The following RORA variants were observed in gnomAD, a reference collection of about 807,000 sequenced individuals.
RORA encodes the protein nuclear receptor ROR-alpha.
Under a neutral mutation model 69.5 loss-of-function variants are expected in RORA, and 7 were observed. The ratio of observed to expected loss-of-function variants is 0.10; its 90% CI spans 0.06 to 0.19. The LOEUF is 0.19. Ranked by LOEUF, RORA falls within the 10% of genes least tolerant of loss-of-function variation. RORA has a pLI of 1.00. For synonymous variants in RORA, 261 were observed against 240.8 expected (o/e 1.08, Z -0.78); for missense variants, 457 against 663.0 (o/e 0.69, Z 3.41).
intron 1 of RORA, among the ~76,000 whole-genome samples, chr15:60,861,088 G>T (rs2073431948): frequency 6.6e-6 from 1 of 152,112 alleles, no homozygotes; most frequent in African/African-American, 2.4e-5. Flanking sequence ...CGACCTTTTG[G>T]CTGTTACTGA....
chr15:61,061,331 G>C lies in RORA; in HGVS notation c.166+167722C>G, dbSNP rs1427176952. 6.6e-6 allele frequency among the ~76,000 whole-genome samples: 1 copy of C among 151,476 alleles called. No homozygotes were observed. The highest frequency in any genetic ancestry group is 2.4e-5 in the African/African-American group (1 of 41,054). On this transcript the variant is annotated intron_variant, in intron 1 of 10. Coordinates refer to ENST00000335670, the MANE Select transcript of RORA (RefSeq NM_134261.3). The surrounding 1 kb of genome is among the most constrained non-coding windows in gnomAD (Gnocchi z 4.4). ...TTGTGCCACTGCAGGCGTGCAGGGA[G>C]ACAGAGCGAGGCTCTATCTTAAAAA...
chr15:60,615,471 C>T (rs2069214051), intron 2 of RORA, among the ~76,000 whole-genome samples: 1 of 152,164 alleles, frequency 6.6e-6, no homozygotes, highest in Admixed American at 6.5e-5. Flanking sequence ...AAGGACTTAT[C>T]AGGAGCTTGC....
chr15:60,580,711 C>T (rs2068168024), intron 2 of RORA, among the ~76,000 whole-genome samples: 1 of 152,202 alleles, frequency 6.6e-6, no homozygotes, highest in African/African-American at 2.4e-5. Flanking sequence ...TGGGAGCTCC[C>T]CCTGAGGATC....
At chr15:60,652,147 A>G (rs1023882342) in intron 2 of RORA, among the ~76,000 whole-genome samples, 4 of 151,540 alleles carry the variant, frequency 2.6e-5, no homozygotes, top group Non-Finnish European at 4.4e-5. Context: ...AGGTTGGGTG[A>G]CATATGGAAA....
Position 60,744,314 on chromosome 15 carries a change from C to A in RORA, c.167-65628G>T, listed in dbSNP as rs145700983. Reference sequence around the variant, plus strand: ...CTTTGGGAATGACACTGTGCTGACACGGGGGACATGAGGCAGCTCCATTTC... The same window carrying A: ...CTTTGGGAATGACACTGTGCTGACAAGGGGGACATGAGGCAGCTCCATTTC... On this transcript the variant is annotated intron_variant, in intron 1 of 10. Transcript: ENST00000335670. 1.6e-4 allele frequency among the ~76,000 whole-genome samples: 24 copies of A among 152,250 alleles called. No individual in the cohort carries two copies. The East Asian group carries it at 4.6e-3, about 29-fold the overall frequency.
At chr15:61,104,709 C>T (rs893132619) in intron 1 of RORA, among the ~76,000 whole-genome samples, 2 of 152,208 alleles carry the variant, frequency 1.3e-5, no homozygotes, top group African/African-American at 4.8e-5. Context: ...GTTCCTCCTG[C>T]CACAGGGTCT....
intron 1 of RORA, among the ~76,000 whole-genome samples, chr15:60,711,583 T>C (rs1236209795): frequency 2.0e-5 from 3 of 152,184 alleles, no homozygotes; most frequent in Admixed American, 2.0e-4. Context: ...TGCTATTCTA[T>C]GGTTGAAGAG....
chr15:60,765,793 C>T (rs990416910), intron 1 of RORA, among the ~76,000 whole-genome samples: 2 of 152,036 alleles, frequency 1.3e-5, no homozygotes, highest in African/African-American at 4.8e-5. Context: ...TTCACCAGGC[C>T]AAGGCAGCCC....
intron 1 of RORA, among the ~76,000 whole-genome samples, chr15:61,025,794 C>T (rs768353929): frequency 2.6e-5 from 4 of 152,198 alleles, no homozygotes; most frequent in Non-Finnish European, 5.9e-5. Flanking sequence ...CTCCTCACTA[C>T]CTTTTACCAA....
intron 1 of RORA, among the ~76,000 whole-genome samples, chr15:60,849,913 A>C (rs1268529550): frequency 6.6e-6 from 1 of 152,178 alleles, no homozygotes; most frequent in South Asian, 2.1e-4. Flanking sequence ...GGTGCGTCTC[A>C]AAGGCCCCTG....
At chr15:60,911,482 G>A (rs1411080909) in intron 1 of RORA, among the ~76,000 whole-genome samples, 2 of 152,104 alleles carry the variant, frequency 1.3e-5, no homozygotes, top group Non-Finnish European at 2.9e-5. Flanking sequence ...AGGATCTTAG[G>A]GGAAAGCCCT....
intron 1 of RORA, among the ~76,000 whole-genome samples, chr15:60,762,732 A>G (rs2071913412): frequency 6.6e-6 from 1 of 152,182 alleles, no homozygotes; most frequent in African/African-American, 2.4e-5. Flanking sequence ...ATATCATCTA[A>G]CCGCTACCCT....
intron 1 of RORA, among the ~76,000 whole-genome samples, chr15:60,894,386 C>T (rs904601005): frequency 3.3e-5 from 5 of 152,206 alleles, no homozygotes; most frequent in African/African-American, 4.8e-5. Flanking sequence ...CTGTAACTGG[C>T]ACGGTTTTCT....
chr15:60,805,774 A>C (rs1228012952), intron 1 of RORA, among the ~76,000 whole-genome samples: 1 of 152,236 alleles, frequency 6.6e-6, no homozygotes, highest in Non-Finnish European at 1.5e-5. Context: ...TGGCCAGATG[A>C]GGCAAATCAC....
chr15:60,691,583 C>A (rs896396810), intron 1 of RORA, among the ~76,000 whole-genome samples: 1 of 152,098 alleles, frequency 6.6e-6, no homozygotes, highest in African/African-American at 2.4e-5. Context: ...CAAGTGCTAA[C>A]TGAGAAGGTC....
chr15:61,059,289 C>A (rs145508317), intron 1 of RORA, among the ~76,000 whole-genome samples: 102 of 152,336 alleles, frequency 6.7e-4, no homozygotes, highest in African/African-American at 2.4e-3. Flanking sequence ...TCAAAACAAC[C>A]AAGATCCTTG....
At chr15:60,801,561 A>C (rs927839996) in intron 1 of RORA, among the ~76,000 whole-genome samples, 1 of 152,264 alleles carries the variant, frequency 6.6e-6, no homozygotes, top group Non-Finnish European at 1.5e-5. Flanking sequence ...AATAAAAAAC[A>C]TAAGGGCTAT....
intron 1 of RORA, among the ~76,000 whole-genome samples, chr15:61,191,922 G>C (rs1302231114): frequency 6.6e-6 from 1 of 152,224 alleles, no homozygotes; most frequent in South Asian, 2.1e-4. Context: ...TTCAAGCTTC[G>C]CTTCTCTAAG....
chr15:60,525,320 G>A (rs1407194712), intron 3 of RORA, among the ~76,000 whole-genome samples: 2 of 152,140 alleles, frequency 1.3e-5, no homozygotes, highest in African/African-American at 4.8e-5. Context: ...CTGCACTGTG[G>A]GTGTGGCTGG....
Sources: allele counts gnomAD v4.1 joint callset (sites outside exome capture counted in the v4.1 genomes callset), GRCh38; gene constraint gnomAD v4.1.1; non-coding constraint Gnocchi (gnomAD v3.1); transcripts MANE v1.5; gene names NCBI Gene and HGNC (gene_info 2026-07-23, HGNC 2026-07-21).